FHIT: variants seen among roughly 807,000 people sequenced by gnomAD.
FHIT encodes bis(5'-adenosyl)-triphosphatase.
In FHIT, 19 loss-of-function variants were observed where a neutral mutation model predicts 17.9. The observed-to-expected ratio is 1.06, with a 90% CI of 0.74 to 1.56. The LOEUF (loss-of-function observed/expected upper bound fraction) is 1.56, where lower values mean the gene tolerates loss of function less well. Among genes scored for constraint, FHIT ranks in the 40% most tolerant of loss-of-function variants. The pLI is 0.00. For missense variants in FHIT, 248 were observed against 189.2 expected (o/e 1.31, Z -1.82); for synonymous variants, 81 against 69.7 (o/e 1.16, Z -0.81).
rs1215237398 is a variant in FHIT, at chr3:61,178,699, C to A, written c.-164+21918G>T. ...GTCCACTAACCTGTACAAGAATAAA[C>A]CTCAGGGAGTACATTTCTAAGATGA... On this transcript the variant is annotated intron_variant, in intron 2 of 9. Coordinates refer to ENST00000492590, the MANE Select transcript of FHIT (RefSeq NM_002012.4). 2.0e-5 allele frequency among the ~76,000 whole-genome samples: 3 copies of A among 151,898 alleles called. No individual in the cohort carries two copies. The East Asian group carries it at 5.8e-4, about 29-fold the overall frequency.
chr3:60,052,689 T>C (rs1274283036), intron 5 of FHIT, among the ~76,000 whole-genome samples: 1 of 151,130 alleles, frequency 6.6e-6, no homozygotes, highest in African/African-American at 2.4e-5. Context: ...TACTGCCACA[T>C]TTAAAGCCAC....
chr3:60,311,083 C>A (rs934795816), intron 5 of FHIT, among the ~76,000 whole-genome samples: 3 of 152,138 alleles, frequency 2.0e-5, no homozygotes, highest in Admixed American at 6.6e-5. Context: ...TGTCAATTAA[C>A]CCAACGTCAT....
At chr3:60,247,055 A>G (rs1705433031) in intron 5 of FHIT, among the ~76,000 whole-genome samples, 1 of 152,142 alleles carries the variant, frequency 6.6e-6, no homozygotes, top group African/African-American at 2.4e-5. Flanking sequence ...CCTAATAGAA[A>G]CTATGGACTT....
intron 5 of FHIT, among the ~76,000 whole-genome samples, chr3:60,388,345 A>T (rs1296189910): frequency 6.6e-6 from 1 of 152,208 alleles, no homozygotes; most frequent in Non-Finnish European, 1.5e-5. Flanking sequence ...CATGCCCATA[A>T]TCCCAGCACT....
chr3:59,759,480 T>C (rs2106774360), intron 8 of FHIT, among the ~76,000 whole-genome samples: 1 of 152,318 alleles, frequency 6.6e-6, no homozygotes, highest in East Asian at 1.9e-4. Context: ...CCTTGTCATC[T>C]GGCAGCTTTC....
At chr3:60,125,208 C>T (rs181916615) in intron 5 of FHIT, among the ~76,000 whole-genome samples, 70 of 152,312 alleles carry the variant, frequency 4.6e-4, no homozygotes, top group African/African-American at 1.7e-3. Flanking sequence ...CTAGAGTTCC[C>T]ACTTTGCTCT....
chr3:60,093,080 T>G (rs547771838), intron 5 of FHIT, among the ~76,000 whole-genome samples: 1 of 152,302 alleles, frequency 6.6e-6, no homozygotes, highest in South Asian at 2.1e-4. Context: ...ATGGCTGCAG[T>G]AACAGATTAA....
chr3:60,252,490 G>C (rs9838705), intron 5 of FHIT, among the ~76,000 whole-genome samples: 122 of 152,204 alleles, frequency 8.0e-4, no homozygotes, highest in Non-Finnish European at 9.4e-4. Flanking sequence ...TTGAGCATAG[G>C]GGGGTCAAGG....
intron 4 of FHIT, among the ~76,000 whole-genome samples, chr3:60,761,696 T>C (rs1166316401): frequency 6.6e-6 from 1 of 151,360 alleles, no homozygotes; most frequent in Non-Finnish European, 1.5e-5. Context: ...CTTTAAATAC[T>C]TCAACTGTGA....
At chr3:60,463,321 A>G (rs1282704543) in intron 5 of FHIT, among the ~76,000 whole-genome samples, 1 of 152,190 alleles carries the variant, frequency 6.6e-6, no homozygotes, top group African/African-American at 2.4e-5. Flanking sequence ...GGAAAATGAT[A>G]TATCTATACT....
At chr3:60,301,525 T>C (rs1417110003) in intron 5 of FHIT, among the ~76,000 whole-genome samples, 1 of 152,172 alleles carries the variant, frequency 6.6e-6, no homozygotes, top group African/African-American at 2.4e-5. Context: ...CTGACCCAGA[T>C]CTACTAGGAC....
At chr3:61,016,376 G>T (rs769327943) in intron 3 of FHIT, among the ~76,000 whole-genome samples, 1 of 152,192 alleles carries the variant, frequency 6.6e-6, no homozygotes, top group Non-Finnish European at 1.5e-5. Context: ...TGTCAAAACA[G>T]TAAAATAAGA....
intron 5 of FHIT, among the ~76,000 whole-genome samples, chr3:60,120,062 A>G (rs1424651243): frequency 6.6e-6 from 1 of 152,182 alleles, no homozygotes; most frequent in Non-Finnish European, 1.5e-5. Context: ...CATTTCTAAT[A>G]GTTTAAACTT....
intron 7 of FHIT, among the ~76,000 whole-genome samples, chr3:59,942,117 CAAA>C (rs1046217922): frequency 2.6e-5 from 4 of 152,144 alleles, no homozygotes; most frequent in Non-Finnish European, 5.9e-5. Context: ...GCCACCCTGA[CAAA>C]AGTCTTCCTG....
chr3:61,218,596 G>C (rs1241581172), intron 1 of FHIT, among the ~76,000 whole-genome samples: 5 of 152,146 alleles, frequency 3.3e-5, no homozygotes, highest in Non-Finnish European at 7.4e-5. Flanking sequence ...TAATGGAGAA[G>C]ATCTATTTAA....
chr3:59,954,228 T>G (rs1707277624), intron 7 of FHIT, among the ~76,000 whole-genome samples: 1 of 150,530 alleles, frequency 6.6e-6, no homozygotes, highest in Non-Finnish European at 1.5e-5. Context: ...TCTGTTTTTT[T>G]TTCTTTTTTT....
intron 1 of FHIT, among the ~76,000 whole-genome samples, chr3:61,234,305 T>A (rs907749562): frequency 6.6e-6 from 1 of 152,160 alleles, no homozygotes; most frequent in South Asian, 2.1e-4. Context: ...GAAAAAATCA[T>A]GAATGTGATT....
intron 5 of FHIT, among the ~76,000 whole-genome samples, chr3:60,295,537 G>A (rs114791868): frequency 6.6e-6 from 1 of 152,020 alleles, no homozygotes; most frequent in African/African-American, 2.4e-5. Context: ...CTAAGAGTGA[G>A]AAGTTGCTCA....
chr3:60,142,850 A>G (rs1015755006), intron 5 of FHIT, among the ~76,000 whole-genome samples: 10 of 152,146 alleles, frequency 6.6e-5, no homozygotes, highest in African/African-American at 2.4e-4. Context: ...GGCATACAAA[A>G]GACAAAAATA....
Sources: allele counts gnomAD v4.1 joint callset (sites outside exome capture counted in the v4.1 genomes callset), GRCh38; gene constraint gnomAD v4.1.1; transcripts MANE v1.5; gene names NCBI Gene and HGNC (gene_info 2026-07-23, HGNC 2026-07-21).